Variants in RGN observed in about 807,000 individuals in gnomAD.
RGN encodes epididymis secretory protein Li 41.
RGN carries 19 observed loss-of-function variants against 20.6 expected under a neutral mutation model. The observed-to-expected ratio is 0.92, with a 90% confidence interval of 0.64 to 1.35. The LOEUF is 1.35. Ranked by LOEUF, RGN falls within the 40% of genes most tolerant of loss-of-function variation. The probability of loss-of-function intolerance (pLI) is 0.00; values close to 1 mark genes in which losing one functional copy is unlikely to be tolerated. For synonymous variants in RGN, 85 were observed against 87.2 expected (o/e 0.97, Z 0.14); for missense variants, 302 against 232.7 (o/e 1.30, Z -1.94).
In RGN at chrX:47,090,840, C is replaced by T. The variant is rs1930912550; in HGVS notation, c.563-838C>T. 3.2e-5 allele frequency among the ~76,000 whole-genome samples: 3 copies of T among 94,779 alleles called. No homozygotes were observed. In the Admixed American group the frequency reaches 3.9e-4, roughly 12 times the overall value. 82.3% of individuals were successfully genotyped at this position (94,779 alleles called of 115,157 possible). A position where few individuals can be genotyped will look rare whatever the true frequency, so the allele number is the denominator to read the frequency against. ...ATCGCGCCACTGTACTCCTGCCTGA[C>T]GACAGAGCGAGACACTGTCAAAAAA... is the stretch of plus-strand genomic sequence containing the variant. On this transcript the variant is annotated intron_variant, in intron 5 of 7. Transcript: ENST00000397180.
At position 47,084,439 on chromosome X, in the gene RGN, C is replaced by A. The variant is rs1015242311; in HGVS notation, c.185C>A (p.Ala62Asp). The A allele has an allele frequency of 1.7e-6, 2 of 1,202,633 alleles. No individual in the cohort carries two copies. The highest frequency in any genetic ancestry group is 3.5e-5 in the African/African-American group (2 of 57,058). ...VTMDAPVSSVALRQSGGYVAT... is the reference protein window; with the variant it reads ...VTMDAPVSSVDLRQSGGYVAT... ...ACAGATGCCCCAGTCAGCTCCGTGG[C>A]TCTTCGCCAGTCGGGAGGCTATGTT... The change falls in exon 4 of 8, where the codon GCT (alanine) becomes GAT (aspartate). Residue 62 changes from alanine to aspartate, a missense_variant. Coordinates refer to ENST00000397180, the MANE Select transcript of RGN (RefSeq NM_152869.4).
rs1556387554 is a variant in RGN at position 47,090,961 on chromosome X, A to AAGGAAGGAAAGAAAAAGAAAGAAAG, written c.563-716_563-715insGGAAGGAAAGAAAAAGAAAGAAAGA. 3.0e-4 allele frequency among the ~76,000 whole-genome samples: 19 copies of AAGGAAGGAAAGAAAAAGAAAGAAAG among 63,565 alleles called. 2 individuals carry two copies. The highest frequency in any genetic ancestry group is 5.4e-4 in the Non-Finnish European group (18 of 33,177). 55.2% of individuals were successfully genotyped at this position (63,565 alleles called of 115,157 possible). ...GAAAGAAAGAAAGAAAGAAAGAAAG[A>AAGGAAGGAAAGAAAAAGAAAGAAAG]AAGAAAGAAAGAAAGAAAGAAAGAT... On this transcript the variant is annotated intron_variant, in intron 5 of 7. Coordinates refer to ENST00000397180, the MANE Select transcript of RGN (RefSeq NM_152869.4).
chrX:47,086,773 GAGAGAGAGAGAA>G (rs1930614858), intron 4 of RGN, among the ~76,000 whole-genome samples: 1 of 105,575 alleles, frequency 9.5e-6, no homozygotes, highest in African/African-American at 3.6e-5. Flanking sequence ...GAGAGAGAGA[GAGAGAGAGAGAA>G]AGAGAGAGAG....
intron 6 of RGN, 110 bp downstream of exon 6, chrX:47,091,919 T>C (rs1358720156): frequency 2.9e-6 from 3 of 1,030,818 alleles, no homozygotes; most frequent in African/African-American, 3.8e-5. Context: ...TTGCTCAAAA[T>C]AAATTGTCAG....
rs1415999479 is a variant in RGN, at chrX:47,087,987, T to C, written c.347-1789T>C. On this transcript the variant is annotated intron_variant, in intron 4 of 7. Transcript: ENST00000397180. Reference sequence around the variant, plus strand: ...TATTAATATATAATATTATATTATATATAATTATAATATAATACTGTAGTA... The same window carrying C: ...TATTAATATATAATATTATATTATACATAATTATAATATAATACTGTAGTA... 4.0e-5 allele frequency among the ~76,000 whole-genome samples: 4 copies of C among 99,864 alleles called. No individual in the cohort carries two copies. The Admixed American group carries it at 4.8e-4, about 12-fold the overall frequency. The allele number at this position is 99,864 out of a possible 115,157, so 86.7% of individuals were successfully genotyped here. A position where few individuals can be genotyped will look rare whatever the true frequency, so the allele number is the denominator to read the frequency against.
chrX:47,085,270 G>A (rs1718969466), intron 4 of RGN, among the ~76,000 whole-genome samples: 1 of 111,725 alleles, frequency 9.0e-6, no homozygotes, highest in African/African-American at 3.2e-5. Flanking sequence ...TGTAATCCCA[G>A]CACTTTGGGA....
chrX:47,081,826 C>T (rs12853360), intron 3 of RGN, among the ~76,000 whole-genome samples: 18,105 of 111,789 alleles, frequency 0.16, 1,380 homozygotes, highest in Non-Finnish European at 0.24. Context: ...GGATTACAAG[C>T]GTGAGCTACC....
At chrX:47,086,766 AGAGAGAGAGAGAG>A (rs1930612703) in intron 4 of RGN, among the ~76,000 whole-genome samples, 4 of 106,821 alleles carry the variant, frequency 3.7e-5, no homozygotes, top group African/African-American at 1.4e-4. Context: ...AGAGAGAGAG[AGAGAGAGAGAGAG>A]AGAGAAAGAG....
At chrX:47,087,549 GAGA>G (rs1930650021) in intron 4 of RGN, 3 of 110,803 alleles carry the variant, frequency 2.7e-5, no homozygotes, top group South Asian at 3.8e-4. Flanking sequence ...GAACGATAGA[GAGA>G]AGATTAGCAT....
Position 47,078,644 on chromosome X carries a change from C to T in RGN, c.-701C>T, listed in dbSNP as rs782583845. On this transcript the variant is annotated 5_prime_UTR_variant, in exon 1 of 8. Coordinates refer to ENST00000397180, the MANE Select transcript of RGN (RefSeq NM_152869.4). Reference sequence around the variant, plus strand: ...TCCCAGGGCCTCTCTGTCGCTGTCGCCGTCGCCGTCGCCCGAGGTCCCAGC... The same window carrying T: ...TCCCAGGGCCTCTCTGTCGCTGTCGTCGTCGCCGTCGCCCGAGGTCCCAGC... 2 of 112,047 alleles carry T rather than the reference C, an allele frequency of 1.8e-5. No homozygotes were observed. Among genetic ancestry groups the T allele is most frequent in the African/African-American group, 6.5e-5 (2 of 30,857 alleles). The allele number at this position is 112,047 out of a possible 1,213,427, so 9.2% of individuals were successfully genotyped here. A position where few individuals can be genotyped will look rare whatever the true frequency, so the allele number is the denominator to read the frequency against.
intron 5 of RGN, among the ~76,000 whole-genome samples, chrX:47,090,912 GAAGGAAAGAAAGAAAGAAA>G (rs1930933769): frequency 2.3e-4 from 7 of 30,913 alleles, no homozygotes; most frequent in African/African-American, 9.1e-4. Context: ...AAAGAAAGAA[GAAGGAAAGAAAGAAAGAAA>G]GAAAGAAAGA....
intron 3 of RGN, 110 bp from the exon 4 acceptor site, chrX:47,084,308 T>G (rs1223488393): frequency 4.9e-6 from 3 of 607,148 alleles, no homozygotes; most frequent in Non-Finnish European, 7.4e-6. Context: ...GCGCTCCCAT[T>G]GTCACGAGAG....
intron 3 of RGN, among the ~76,000 whole-genome samples, chrX:47,081,907 A>C (rs986125326): frequency 8.9e-6 from 1 of 112,122 alleles, no homozygotes; most frequent in African/African-American, 3.2e-5. Context: ...TAATACCTTC[A>C]GATAACCATG....
rs1371466135 is a variant in RGN, at chrX:47,081,185, GC to G, written c.43del (p.Arg15GlyfsTer18). On this transcript the variant is annotated frameshift_variant, in exon 3 of 8. Transcript: ENST00000397180. LOFTEE classifies it high-confidence loss of function. ...ATTGAGTGTGTTTTGCCAGAGAACT[GC>G]CGGTGTGGTGAGTCTCCAGTATGGG... ...IKIECVLPEN[C>X]RCGESPVWEE... 8.3e-7 allele frequency: 1 copy of G among 1,206,263 alleles called. No homozygotes were observed. The highest frequency in any genetic ancestry group is 1.1e-6 in the Non-Finnish European group (1 of 890,525).
At chrX:47,090,898 A>AAAGAAAG (rs1569540698) in intron 5 of RGN, among the ~76,000 whole-genome samples, 27 of 53,518 alleles carry the variant, frequency 5.0e-4, no homozygotes, top group East Asian at 7.6e-4. Context: ...AAGAAGAAAG[A>AAAGAAAG]AAGAAAGAAA....
intron 4 of RGN, among the ~76,000 whole-genome samples, chrX:47,089,532 A>ATATTATATATACT (rs1569540553): frequency 0.4 from 13,236 of 33,030 alleles, 4,117 homozygotes; most frequent in East Asian, 0.57. Flanking sequence ...ATATATACTC[A>ATATTATATATACT]TATATATACA....
chrX:47,091,260 C>T (rs2147028501), intron 5 of RGN, among the ~76,000 whole-genome samples: 1 of 111,373 alleles, frequency 9.0e-6, no homozygotes, highest in African/African-American at 3.3e-5. Context: ...ATGTATCTTG[C>T]TAGTTTTTGT....
At chrX:47,086,954 C>T in intron 4 of RGN, among the ~76,000 whole-genome samples, 1 of 110,597 alleles carries the variant, frequency 9.0e-6, no homozygotes, top group Middle Eastern at 4.2e-3. Flanking sequence ...TAGGGGCTAT[C>T]TTGGAGGCTG....
In RGN at chrX:47,083,220, T is replaced by A. The variant is rs781931968; in HGVS notation, c.164-1198T>A. Among the ~76,000 whole-genome samples, 43 of 110,074 alleles carry A rather than the reference T, an allele frequency of 3.9e-4. 1 individual carries two copies. The highest frequency in any genetic ancestry group is 6.3e-4 in the Non-Finnish European group (33 of 52,750). On this transcript the variant is annotated intron_variant, in intron 3 of 7. Coordinates refer to ENST00000397180, the MANE Select transcript of RGN (RefSeq NM_152869.4). ...TTCAAGACCAGCCTGACCATCATGG[T>A]GAAACCGTGTCTCTACTAAAAATAC...
Sources: gnomAD v4.1 joint callset for allele counts (sites outside exome capture counted in the v4.1 genomes callset) on GRCh38, gnomAD v4.1.1 for gene constraint, MANE v1.5 for transcripts, NCBI Gene and HGNC (gene_info 2026-07-23, HGNC 2026-07-21) for gene names.